The following CDKL1 variants were observed in gnomAD, a reference collection of about 807,000 sequenced individuals.
The protein encoded by CDKL1 is cyclin-dependent kinase-like 1.
A neutral mutation model predicts 42.0 loss-of-function variants in CDKL1; 41 were observed. The ratio of observed to expected loss-of-function variants is 0.98; its 90% CI spans 0.76 to 1.27. The LOEUF (loss-of-function observed/expected upper bound fraction) is 1.27. Ranked by LOEUF, CDKL1 falls within the 50% of genes most tolerant of loss-of-function variation. The pLI, the probability that CDKL1 is intolerant of heterozygous loss-of-function variation, is 0.00. For missense variants in CDKL1, 394 were observed against 428.4 expected, an observed-to-expected ratio of 0.92 and a Z score of 0.71; for synonymous variants, 153 against 158.6, an observed-to-expected ratio of 0.96 and a Z score of 0.26.
chr14:50,396,210 A>AAAAG lies in CDKL1; in HGVS notation c.-346_-343dup, dbSNP rs1235768428. 237 of 998,930 alleles carry AAAAG rather than the reference A, an allele frequency of 2.4e-4. 15 individuals are homozygous for AAAAG. In the South Asian group the frequency reaches 4.6e-3, roughly 19 times the overall value. The allele number at this position is 998,930 out of a possible 1,614,324, so 61.9% of individuals were successfully genotyped here. ...CAAAAAAAAAAAAAAAAAAAAAAAAAAAAGAAAGAAAGAAAAGAAAAGAAA... is the reference window on the plus strand; with the variant it reads ...CAAAAAAAAAAAAAAAAAAAAAAAAAAAAGAAAGAAAGAAAGAAAAGAAAAGAAA... On this transcript the variant is annotated 5_prime_UTR_variant, in exon 2 of 10. Coordinates refer to ENST00000395834, the MANE Select transcript of CDKL1 (RefSeq NM_004196.7).
intron 8 of CDKL1, chr14:50,333,709 T>A (rs1346063806): frequency 1.3e-5 from 2 of 152,186 alleles, no homozygotes; most frequent in Non-Finnish European, 2.9e-5. Context: ...CCAAGAACCT[T>A]CCTTTGGGGT....
Position 50,359,075 on chromosome 14 carries a change from T to C in CDKL1, c.243A>G (p.Glu81=), listed in dbSNP as rs772743770. Residue 81 remains glutamate (E), a synonymous_variant, in exon 3 of 10, where the codon GAA becomes GAG. Transcript: ENST00000395834. ...CATGGAGAACTGTGTGGTCACAATA[T>C]TCAAACACCAGGTGAAGCCTCCGTT... ...RRKRRLHLVF[E]YCDHTVLHEL... The C allele has an allele frequency of 1.5e-5, 24 of 1,613,062 alleles. No individual in the cohort carries two copies. Among genetic ancestry groups the C allele is most frequent in the African/African-American group, 4.0e-5 (3 of 74,894 alleles).
intron 3 of CDKL1, among the ~76,000 whole-genome samples, chr14:50,351,085 G>A (rs953331417): frequency 2.6e-5 from 4 of 152,132 alleles, no homozygotes; most frequent in African/African-American, 7.2e-5. Context: ...GGGTGTGGGC[G>A]GGAGAGGGGG....
At chr14:50,361,736 C>T (rs146962049) in intron 2 of CDKL1, among the ~76,000 whole-genome samples, 1 of 152,356 alleles carries the variant, frequency 6.6e-6, no homozygotes, top group Non-Finnish European at 1.5e-5. Flanking sequence ...GGACGCACCA[C>T]CATCATTGAA....
intron 8 of CDKL1, chr14:50,333,627 C>T (rs2033091116): frequency 6.6e-6 from 1 of 152,130 alleles, no homozygotes; most frequent in Non-Finnish European, 1.5e-5. Flanking sequence ...TTCTTTTATT[C>T]CTTTACTTTG....
intron 3 of CDKL1, among the ~76,000 whole-genome samples, chr14:50,350,554 T>G (rs1171988304): frequency 6.6e-6 from 1 of 152,202 alleles, no homozygotes; most frequent in Non-Finnish European, 1.5e-5. Flanking sequence ...GAGCCATATA[T>G]ATCCCCAGCT....
intron 3 of CDKL1, among the ~76,000 whole-genome samples, chr14:50,346,655 T>G (rs1279256718): frequency 1.1e-4 from 14 of 126,376 alleles, no homozygotes; most frequent in East Asian, 3.9e-4. Context: ...ATTTTTGGTT[T>G]TTTTTTTTTT....
chr14:50,379,245 G>T (rs565612049), intron 2 of CDKL1, among the ~76,000 whole-genome samples: 43 of 152,300 alleles, frequency 2.8e-4, no homozygotes, highest in African/African-American at 8.4e-4. Flanking sequence ...GCAGAGTATT[G>T]AGGAAGGGGC....
At chr14:50,334,849 T>C in intron 7 of CDKL1, 2 of 461,280 alleles carry the variant, frequency 4.3e-6, no homozygotes, top group South Asian at 3.3e-5. Flanking sequence ...TCCCTTAACT[T>C]CCTGCTCTGA....
chr14:50,384,769 A>G (rs534682642), intron 2 of CDKL1, among the ~76,000 whole-genome samples: 66 of 151,980 alleles, frequency 4.3e-4, no homozygotes, highest in African/African-American at 1.4e-3. Context: ...ACTGTTTTAC[A>G]TCACCATTGG....
rs1277132085 is a variant in CDKL1, at chr14:50,329,378, T to C, written c.*696A>G. The C allele has an allele frequency of 6.6e-6, 1 of 152,180 alleles. No individual in the cohort carries two copies. The highest frequency in any genetic ancestry group is 2.4e-5 in the African/African-American group (1 of 41,436). The allele number at this position is 152,180 out of a possible 1,614,324, so 9.4% of individuals were successfully genotyped here. On this transcript the variant is annotated 3_prime_UTR_variant, in exon 10 of 10. Coordinates refer to ENST00000395834, the MANE Select transcript of CDKL1 (RefSeq NM_004196.7). ...TTACAAGGGGAATTGGGTGAATAAA[T>C]GTAGACAGATTACAGTAAATCCACG... is the stretch of plus-strand genomic sequence containing the variant.
At chr14:50,332,896 T>A in intron 8 of CDKL1, 1 of 371,048 alleles carries the variant, frequency 2.7e-6, no homozygotes, top group Non-Finnish European at 4.7e-6. Context: ...CCTTCTAAAA[T>A]CAGCTACTTT....
intron 6 of CDKL1, among the ~76,000 whole-genome samples, chr14:50,339,360 G>A (rs376930415): frequency 1.3e-4 from 20 of 152,166 alleles, no homozygotes; most frequent in African/African-American, 4.8e-4. Flanking sequence ...ATAAAATAAT[G>A]CCTTTTAAAA....
At chr14:50,397,251 G>C (rs766741209), upstream of CDKL1, 2 of 1,366,578 alleles carry the variant, frequency 1.5e-6, no homozygotes, top group Non-Finnish European at 2.0e-6. Flanking sequence ...TGGTCCCTTG[G>C]AGGCATCTTC....
At chr14:50,396,999 TCC>T (rs1167256712), upstream of CDKL1, 118 of 1,071,996 alleles carry the variant, frequency 1.1e-4, no homozygotes, top group African/African-American at 1.8e-3. Context: ...CCGGCCGCCC[TCC>T]CGGCTGCAGG....
intron 2 of CDKL1, chr14:50,390,390 C>CT: frequency 7.4e-7 from 1 of 1,354,776 alleles, no homozygotes; most frequent in East Asian, 4.6e-5. Flanking sequence ...GAAATTCTTT[C>CT]TTTCCTCTTC....
intron 7 of CDKL1, among the ~76,000 whole-genome samples, chr14:50,337,728 C>G (rs1041025376): frequency 2.0e-5 from 3 of 150,648 alleles, no homozygotes; most frequent in Admixed American, 1.3e-4. Context: ...TCCTGTCGCC[C>G]AGGCTAGAGT....
chr14:50,362,886 C>G (rs1236238986), intron 2 of CDKL1: 2 of 418,232 alleles, frequency 4.8e-6, no homozygotes, highest in African/African-American at 4.1e-5. Flanking sequence ...CAGTGGCAAC[C>G]TACCCTGGGC....
intron 2 of CDKL1, among the ~76,000 whole-genome samples, chr14:50,385,629 C>A (rs1158909557): frequency 6.6e-6 from 1 of 151,664 alleles, no homozygotes; most frequent in African/African-American, 2.4e-5. Context: ...GATGGTGAAA[C>A]CCCATCTCTA....
Sources: allele counts gnomAD v4.1 joint callset (sites outside exome capture counted in the v4.1 genomes callset), GRCh38; gene constraint gnomAD v4.1.1; transcripts MANE v1.5; gene names NCBI Gene and HGNC (gene_info 2026-07-23, HGNC 2026-07-21).